Variants in DOCK3 observed in about 807,000 individuals in gnomAD.
DOCK3 encodes the protein dedicator of cytokinesis 3.
In DOCK3, 60 loss-of-function variants were observed where a neutral mutation model predicts 265.6. The ratio of observed to expected loss-of-function variants is 0.23; its 90% CI spans 0.18 to 0.28. The LOEUF is 0.28. DOCK3 is among the 10% of genes least tolerant of loss of function. DOCK3 has a pLI of 1.00. For missense variants in DOCK3, 1,981 were observed against 2,594.3 expected (o/e 0.76, Z 5.14); for synonymous variants, 881 against 938.0 (o/e 0.94, Z 1.11).
At chr3:51,282,414 G>A (rs565184021) in intron 27 of DOCK3, among the ~76,000 whole-genome samples, 5 of 152,080 alleles carry the variant, frequency 3.3e-5, no homozygotes, top group South Asian at 2.1e-4. Context: ...AGACCAAGGC[G>A]GGCGGAGGCA....
intron 6 of DOCK3, 114 bp from the exon 7 acceptor site, chr3:51,075,242 A>G (rs1485006489): frequency 1.7e-5 from 13 of 763,728 alleles, no homozygotes. Flanking sequence ...TCCTGCTAGG[A>G]CAGTGTCTGA....
chr3:50,905,477 C>T (rs1348088032), intron 4 of DOCK3, among the ~76,000 whole-genome samples: 1 of 152,078 alleles, frequency 6.6e-6, no homozygotes, highest in Non-Finnish European at 1.5e-5. Flanking sequence ...AGGTCCTTCA[C>T]ATCCCTTGTA....
chr3:51,212,431 GTTTTT>G (rs1198836971), intron 13 of DOCK3, among the ~76,000 whole-genome samples: 1 of 112,272 alleles, frequency 8.9e-6, no homozygotes. Context: ...TACACCCACT[GTTTTT>G]TTTTTTTTTT....
intron 9 of DOCK3, among the ~76,000 whole-genome samples, chr3:51,124,844 A>G (rs904856764): frequency 4.6e-5 from 7 of 152,060 alleles, no homozygotes; most frequent in Non-Finnish European, 7.4e-5. Context: ...AAGTAATGCC[A>G]TAAGGCTGGA....
chr3:51,357,726 G>T (rs962473214), intron 44 of DOCK3, 32 bp from the exon 45 acceptor site: 8 of 1,611,624 alleles, frequency 5.0e-6, no homozygotes, highest in Non-Finnish European at 6.8e-6. Flanking sequence ...GTCCTGGGAA[G>T]AGTCTTCCTG....
intron 5 of DOCK3, among the ~76,000 whole-genome samples, chr3:50,955,116 C>A (rs1305454629): frequency 6.6e-6 from 1 of 151,964 alleles, no homozygotes; most frequent in Non-Finnish European, 1.5e-5. Flanking sequence ...AAATGCAGAT[C>A]AAAACCACAA....
At chr3:50,958,715 G>C (rs1352319594) in intron 5 of DOCK3, among the ~76,000 whole-genome samples, 2 of 152,036 alleles carry the variant, frequency 1.3e-5, no homozygotes, top group Non-Finnish European at 2.9e-5. Context: ...CGTTGCTGCT[G>C]GGCTACAACA....
chr3:51,164,267 C>T (rs2086271991), intron 12 of DOCK3, among the ~76,000 whole-genome samples: 1 of 152,052 alleles, frequency 6.6e-6, no homozygotes, highest in African/African-American at 2.4e-5. Context: ...CTAAAAACTC[C>T]CATTGATTGA....
chr3:50,697,116 A>G (rs1016307456), intron 1 of DOCK3, among the ~76,000 whole-genome samples: 87 of 151,624 alleles, frequency 5.7e-4, no homozygotes, highest in African/African-American at 1.8e-3. Context: ...TTTTTAGTAG[A>G]GACAGGGTGT....
intron 5 of DOCK3, among the ~76,000 whole-genome samples, chr3:50,978,276 T>C (rs1278193717): frequency 2.0e-5 from 3 of 150,818 alleles, no homozygotes; most frequent in Non-Finnish European, 3.0e-5. Context: ...TTTGTGGTTT[T>C]ATCTACTTTT....
intron 2 of DOCK3, among the ~76,000 whole-genome samples, chr3:50,821,055 A>G (rs143974138): frequency 5.4e-4 from 81 of 151,302 alleles, no homozygotes; most frequent in African/African-American, 1.9e-3. Context: ...GTCCTTTGTC[A>G]GATGCATAGT....
At chr3:50,814,002 T>C (rs2609022) in intron 2 of DOCK3, among the ~76,000 whole-genome samples, 14,354 of 152,206 alleles carry the variant, frequency 0.094, 842 homozygotes, top group Non-Finnish European at 0.12. Flanking sequence ...ACAAAATGTA[T>C]GGGCACGGTT....
At chr3:51,050,536 A>T (rs6768601) in intron 5 of DOCK3, among the ~76,000 whole-genome samples, 1 of 152,086 alleles carries the variant, frequency 6.6e-6, no homozygotes, top group African/African-American at 2.4e-5. Context: ...CTAGAAATTG[A>T]CCCACACTTA....
chr3:50,735,891 G>T (rs945163289), intron 1 of DOCK3, among the ~76,000 whole-genome samples: 1 of 152,104 alleles, frequency 6.6e-6, no homozygotes, highest in African/African-American at 2.4e-5. Flanking sequence ...GGCATAGCAG[G>T]AGCAGGCATC....
At chr3:51,208,437 G>C (rs113438837) in intron 12 of DOCK3, among the ~76,000 whole-genome samples, 41 of 152,266 alleles carry the variant, frequency 2.7e-4, no homozygotes, top group African/African-American at 9.4e-4. Flanking sequence ...CCTCTATCAA[G>C]AACTTTCCTC....
intron 2 of DOCK3, among the ~76,000 whole-genome samples, chr3:50,800,493 A>G (rs907983210): frequency 2.0e-5 from 3 of 152,166 alleles, no homozygotes; most frequent in Non-Finnish European, 4.4e-5. Context: ...GTAATCACCA[A>G]TGAGCCTTTG....
chr3:50,850,903 A>C (rs1237400630), intron 3 of DOCK3, among the ~76,000 whole-genome samples: 1 of 152,218 alleles, frequency 6.6e-6, no homozygotes, highest in Non-Finnish European at 1.5e-5. Flanking sequence ...GTTTACTGGC[A>C]GAAGTCTCTC....
chr3:51,184,034 G>T (rs1189919576), intron 12 of DOCK3, among the ~76,000 whole-genome samples: 1 of 152,114 alleles, frequency 6.6e-6, no homozygotes, highest in East Asian at 1.9e-4. Flanking sequence ...ATACAGGCCG[G>T]GGTGGTGTCT....
chr3:51,280,942 T>A (rs1226195831), intron 27 of DOCK3, among the ~76,000 whole-genome samples: 3 of 152,158 alleles, frequency 2.0e-5, no homozygotes, highest in Non-Finnish European at 4.4e-5. Flanking sequence ...TCTACTACTA[T>A]TTTTAGCTAT....
Sources: allele counts gnomAD v4.1 joint callset (sites outside exome capture counted in the v4.1 genomes callset), GRCh38; gene constraint gnomAD v4.1.1; transcripts MANE v1.5; gene names NCBI Gene and HGNC (gene_info 2026-07-23, HGNC 2026-07-21).